The following ZBTB9 variants were observed in gnomAD, a reference collection of about 807,000 sequenced individuals.
ZBTB9 encodes zinc finger and BTB domain-containing protein 9.
In ZBTB9, 17 loss-of-function variants were observed where a neutral mutation model predicts 26.3. The ratio of observed to expected loss-of-function variants is 0.65; its 90% CI spans 0.44 to 0.97. The LOEUF (loss-of-function observed/expected upper bound fraction) is 0.97, where lower values mean the gene tolerates loss of function less well. Among genes scored for constraint, ZBTB9 ranks in the 50% least tolerant of loss-of-function variants. The pLI is 0.00. For missense variants in ZBTB9, 510 were observed against 594.2 expected (o/e 0.86, Z 1.47); for synonymous variants, 226 against 234.3 (o/e 0.96, Z 0.32).
Position 33,455,136 on chromosome 6 carries a change from C to T in ZBTB9, c.36C>T (p.Ala12=), listed in dbSNP as rs372363880. 29 of 1,612,004 alleles carry T rather than the reference C, an allele frequency of 1.8e-5. No individual in the cohort carries two copies. The highest frequency in any genetic ancestry group is 2.3e-5 in the Non-Finnish European group (27 of 1,178,710). ...ETPTPLPPVP[A]SPTCNPAPRT... ...CAACACCTTTGCCGCCTGTACCCGC[C>T]TCCCCGACCTGCAACCCAGCCCCAC... The change falls in exon 2 of 2, where the codon GCC becomes GCT. Residue 12 remains alanine, a synonymous_variant. Transcript: ENST00000395064.
upstream of ZBTB9, chr6:33,453,331 CT>C (rs1671073636): frequency 6.5e-6 from 1 of 152,974 alleles, no homozygotes; most frequent in Non-Finnish European, 1.5e-5. Context: ...GGCCCTACCC[CT>C]GGACCCTCCC....
rs192163582 is a variant in ZBTB9, at chr6:33,456,756, T to C, written c.*234T>C. 60 of 637,234 alleles carry C rather than the reference T, an allele frequency of 9.4e-5. 1 individual carries two copies. The Admixed American group carries it at 1.8e-3, about 20-fold the overall frequency. The allele number at this position is 637,234 out of a possible 1,614,324, so 39.5% of individuals were successfully genotyped here. ...GCCAACCCTGCAGGAAAGTGGTTTATAGGCCATTCATACTTAAGTTGATCA... is the reference window on the plus strand; with the variant it reads ...GCCAACCCTGCAGGAAAGTGGTTTACAGGCCATTCATACTTAAGTTGATCA... On this transcript the variant is annotated 3_prime_UTR_variant, in exon 2 of 2. Transcript: ENST00000395064. This position sits in a 1 kb window ranked among gnomAD's most constrained non-coding sequence, Gnocchi z 5.1.
chr6:33,455,198 C>A lies in ZBTB9; in HGVS notation c.98C>A (p.Ser33Tyr). 1 of 1,614,082 alleles carries A rather than the reference C, an allele frequency of 6.2e-7. No individual in the cohort carries two copies. Among genetic ancestry groups the A allele is most frequent in the Non-Finnish European group, 8.5e-7 (1 of 1,180,012 alleles). The change falls in exon 2 of 2, where the codon TCT (serine) becomes TAT (tyrosine). Residue 33 changes from serine to tyrosine, a missense_variant. Physicochemically the swap from Ser to Tyr is moderately radical, Grantham distance 144. Around this residue, in one of 2 missense-constraint regions of ZBTB9, gnomAD observed 439 missense variants for 460.4 expected, o/e 0.95. Transcript: ENST00000395064. The stretch of plus-strand genomic sequence containing the variant: ...ATCGAGTTCCCACAGCATAGCTCGT[C>A]TCTGCTGGAATCTCTGAACCGCCAC... ...IQIEFPQHSS[S>Y]LLESLNRHRL...
Position 33,456,715 on chromosome 6 carries a change from C to T in ZBTB9, c.*193C>T, listed in dbSNP as rs1187455437. ...GTGGAAACTCAAATTTCTCGTCCCA[C>T]TCCAGGTTTTGGCTAGCCAACCCTG... On this transcript the variant is annotated 3_prime_UTR_variant, in exon 2 of 2. Transcript: ENST00000395064. The surrounding 1 kb of genome is among the most constrained non-coding windows in gnomAD (Gnocchi z 5.1). 2 of 1,129,140 alleles carry T rather than the reference C, an allele frequency of 1.8e-6. No homozygotes were observed. The highest frequency in any genetic ancestry group is 1.6e-5 in the African/African-American group (1 of 63,246). The allele number at this position is 1,129,140 out of a possible 1,614,324, so 69.9% of individuals were successfully genotyped here. A position where few individuals can be genotyped will look rare whatever the true frequency, so the allele number is the denominator to read the frequency against.
Position 33,455,681 on chromosome 6 carries a change from G to T in ZBTB9, c.581G>T (p.Ser194Ile). Residue 194 changes from serine (S) to isoleucine (I), a missense_variant, in exon 2 of 2, where the codon AGC (serine) becomes ATC (isoleucine). This residue lies in a region of ZBTB9 where 439 missense variants were observed against 460.4 expected (regional missense o/e 0.95). Transcript: ENST00000395064. ...ACTGAAAGCCCTGCTTCCACTGAGA[G>T]CCCTGTGGGAGGGGAGGGAAGTGAA... ...ASTESPASTE[S>I]PVGGEGSELG... The T allele has an allele frequency of 6.2e-7, 1 of 1,614,228 alleles. No individual in the cohort carries two copies. Among genetic ancestry groups the T allele is most frequent in the Non-Finnish European group, 8.5e-7 (1 of 1,180,038 alleles).
In ZBTB9 at chr6:33,455,394, G is replaced by C; in HGVS notation, c.294G>C (p.Gly98=). 1 of 1,613,984 alleles carries C rather than the reference G, an allele frequency of 6.2e-7. No individual in the cohort carries two copies. The highest frequency in any genetic ancestry group is 8.5e-7 in the Non-Finnish European group (1 of 1,179,988). Residue 98 remains glycine, a synonymous_variant, in exon 2 of 2, where the codon GGG becomes GGC. Coordinates refer to ENST00000395064, the MANE Select transcript of ZBTB9 (RefSeq NM_152735.4). ...TCATTGAAGCCGATGCCTTCGAGGGGCTGCTCCAGCTCATTTATTCAGGGC... is the reference window on the plus strand; with the variant it reads ...TCATTGAAGCCGATGCCTTCGAGGGCCTGCTCCAGCTCATTTATTCAGGGC... ...PSVIEADAFE[G]LLQLIYSGRL...
rs972117373 is a variant in ZBTB9, at chr6:33,456,883, T to C, written c.*361T>C. ...AGTTAGAGCAAAAGACAGTGGTAAATGTTTTATTCCGTCTCCATGAGGAAT... is the reference window on the plus strand; with the variant it reads ...AGTTAGAGCAAAAGACAGTGGTAAACGTTTTATTCCGTCTCCATGAGGAAT... On this transcript the variant is annotated 3_prime_UTR_variant, in exon 2 of 2. Transcript: ENST00000395064. This position sits in a 1 kb window ranked among gnomAD's most constrained non-coding sequence, Gnocchi z 5.1. 7.0e-5 allele frequency: 17 copies of C among 244,134 alleles called. No homozygotes were observed. The highest frequency in any genetic ancestry group is 3.6e-4 in the Admixed American group (7 of 19,508). 15.1% of individuals were successfully genotyped at this position (244,134 alleles called of 1,614,324 possible).
At chr6:33,454,222 G>GGCCCACATGGTAAGT (rs1761426845), upstream of ZBTB9, 1 of 152,238 alleles carries the variant, frequency 6.6e-6, no homozygotes, top group Admixed American at 6.5e-5. Flanking sequence ...GCAAGTGCCA[G>GGCCCACATGGTAAGT]GCCCACATGG....
rs1582010928 is a variant in ZBTB9 at position 33,455,192 on chromosome 6, G to C, written c.92G>C (p.Ser31Thr). 1.9e-6 allele frequency: 3 copies of C among 1,613,978 alleles called. No homozygotes were observed. In the Admixed American group the frequency reaches 5.0e-5, roughly 27 times the overall value. The change falls in exon 2 of 2, where the codon AGC becomes ACC. Residue 31 changes from serine (S) to threonine (T), a missense_variant. Physicochemically the swap from Ser to Thr is moderately conservative, Grantham distance 58. Coordinates refer to ENST00000395064, the MANE Select transcript of ZBTB9 (RefSeq NM_152735.4). ...RTIQIEFPQH[S>T]SSLLESLNRH... ...ATCCAGATCGAGTTCCCACAGCATA[G>C]CTCGTCTCTGCTGGAATCTCTGAAC... is the stretch of plus-strand genomic sequence containing the variant.
In ZBTB9 at chr6:33,455,755, G is replaced by A. The variant is rs1475340148; in HGVS notation, c.655G>A (p.Glu219Lys). Residue 219 changes from glutamate (E) to lysine (K), a missense_variant, in exon 2 of 2, where the codon GAA (glutamate) becomes AAA (lysine). Transcript: ENST00000395064. ...IQVEEEEEEE[E>K]DDDDEDQGSA... ...GGTGGAAGAAGAAGAGGAGGAGGAG[G>A]AAGATGATGATGATGAGGACCAGGG... 1 of 1,613,676 alleles carries A rather than the reference G, an allele frequency of 6.2e-7. No individual in the cohort carries two copies. The highest frequency in any genetic ancestry group is 1.3e-5 in the African/African-American group (1 of 75,002).
chr6:33,456,681 C>A lies in ZBTB9; in HGVS notation c.*159C>A. On this transcript the variant is annotated 3_prime_UTR_variant, in exon 2 of 2. Coordinates refer to ENST00000395064, the MANE Select transcript of ZBTB9 (RefSeq NM_152735.4). The surrounding 1 kb of genome is among the most constrained non-coding windows in gnomAD (Gnocchi z 5.1). ...TGTTCTTAGATATGGGCCTCTCAGC[C>A]TGGCAGATGTGGAAACTCAAATTTC... 7.7e-7 allele frequency: 1 copy of A among 1,306,068 alleles called. No individual in the cohort carries two copies. The highest frequency in any genetic ancestry group is 1.0e-6 in the Non-Finnish European group (1 of 992,314). 80.9% of individuals were successfully genotyped at this position (1,306,068 alleles called of 1,614,324 possible).
In ZBTB9 at chr6:33,455,283, T is replaced by G. The variant is rs1396950121; in HGVS notation, c.183T>G (p.Ala61=). 6.2e-7 allele frequency: 1 copy of G among 1,614,202 alleles called. No individual in the cohort carries two copies. The highest frequency in any genetic ancestry group is 8.5e-7 in the Non-Finnish European group (1 of 1,180,038). Residue 61 remains alanine (A), a synonymous_variant, in exon 2 of 2, where the codon GCT becomes GCG. Coordinates refer to ENST00000395064, the MANE Select transcript of ZBTB9 (RefSeq NM_152735.4). The part of the protein sequence containing the change: ...SLLVQGRELR[A]HKAVLAAASP... The stretch of plus-strand genomic sequence containing the variant: ...TGGTGCAGGGCCGGGAACTTAGGGC[T>G]CATAAAGCAGTGTTAGCTGCTGCCT...
At position 33,456,299 on chromosome 6, in the gene ZBTB9, G is replaced by T. The variant is rs773887567; in HGVS notation, c.1199G>T (p.Arg400Leu). The T allele has an allele frequency of 6.2e-7, 1 of 1,613,442 alleles. No individual in the cohort carries two copies. The highest frequency in any genetic ancestry group is 8.5e-7 in the Non-Finnish European group (1 of 1,179,808). ...TTTGCAGTGAAGCCAAAGCGTGACC[G>T]GCACATCATGCTGACCTTCAGCCTT... ...KRFAVKPKRD[R>L]HIMLTFSLRP... Residue 400 changes from arginine (R) to leucine (L), a missense_variant, in exon 2 of 2, where the codon CGG becomes CTG. Around this residue, in one of 2 missense-constraint regions of ZBTB9, gnomAD observed 71 missense variants for 133.8 expected, o/e 0.53. Coordinates refer to ENST00000395064, the MANE Select transcript of ZBTB9 (RefSeq NM_152735.4). The surrounding 1 kb of genome is among the most constrained non-coding windows in gnomAD (Gnocchi z 5.1).
Position 33,455,346 on chromosome 6 carries a change from G to C in ZBTB9, c.246G>C (p.Ala82=), listed in dbSNP as rs1474796020. 6.2e-7 allele frequency: 1 copy of C among 1,614,124 alleles called. No homozygotes were observed. Among genetic ancestry groups the C allele is most frequent in the East Asian group, 2.2e-5 (1 of 44,886 alleles). Reference sequence around the variant, plus strand: ...ATGACAAGCTGCTTCTGGGGGATGCGCCTCGTCTCACTCTACCGAGTGTCA... The same window carrying C: ...ATGACAAGCTGCTTCTGGGGGATGCCCCTCGTCTCACTCTACCGAGTGTCA... The part of the protein sequence containing the change: ...YFHDKLLLGD[A]PRLTLPSVIE... Residue 82 remains alanine, a synonymous_variant, in exon 2 of 2, where the codon GCG becomes GCC. Transcript: ENST00000395064.
Position 33,456,291 on chromosome 6 carries a change from G to A in ZBTB9, c.1191G>A (p.Lys397=). The stretch of plus-strand genomic sequence containing the variant: ...GGAAGCGGTTTGCAGTGAAGCCAAA[G>A]CGTGACCGGCACATCATGCTGACCT... ...LCGKRFAVKP[K]RDRHIMLTFS... is the part of the protein sequence containing the mutation. Residue 397 remains lysine, a synonymous_variant, in exon 2 of 2, where the codon AAG becomes AAA. Coordinates refer to ENST00000395064, the MANE Select transcript of ZBTB9 (RefSeq NM_152735.4). The surrounding 1 kb of genome is among the most constrained non-coding windows in gnomAD (Gnocchi z 5.1). 6.2e-7 allele frequency: 1 copy of A among 1,613,592 alleles called. No homozygotes were observed. Among genetic ancestry groups the A allele is most frequent in the Non-Finnish European group, 8.5e-7 (1 of 1,179,814 alleles).
chr6:33,453,708 TAGGC>T (rs1761405641), upstream of ZBTB9: 1 of 152,086 alleles, frequency 6.6e-6, no homozygotes, highest in South Asian at 2.1e-4. Flanking sequence ...CCGACTTTCT[TAGGC>T]AGGGCTCTCC....
In ZBTB9 at chr6:33,456,304, A is replaced by G. The variant is rs1402386924; in HGVS notation, c.1204A>G (p.Ile402Val). The G allele has an allele frequency of 1.2e-6, 2 of 1,613,712 alleles. No homozygotes were observed. Among genetic ancestry groups the G allele is most frequent in the Non-Finnish European group, 1.7e-6 (2 of 1,179,928 alleles). ...FAVKPKRDRH[I>V]MLTFSLRPFG... ...AGTGAAGCCAAAGCGTGACCGGCACATCATGCTGACCTTCAGCCTTCGGCC... is the reference window on the plus strand; with the variant it reads ...AGTGAAGCCAAAGCGTGACCGGCACGTCATGCTGACCTTCAGCCTTCGGCC... The change falls in exon 2 of 2, where the codon ATC (isoleucine) becomes GTC (valine). Residue 402 changes from isoleucine to valine, a missense_variant. Physicochemically the swap from Ile to Val is conservative, Grantham distance 29 (BLOSUM62 3). Coordinates refer to ENST00000395064, the MANE Select transcript of ZBTB9 (RefSeq NM_152735.4). This position sits in a 1 kb window ranked among gnomAD's most constrained non-coding sequence, Gnocchi z 5.1.
At chr6:33,454,976 G>T in intron 1 of ZBTB9, 54 bp from the exon 2 acceptor site, 1 of 1,431,952 alleles carries the variant, frequency 7.0e-7, no homozygotes, top group Non-Finnish European at 9.3e-7. Context: ...TGTTTGAGAA[G>T]ATGTGGCTCC....
Position 33,454,791 on chromosome 6 carries a change from T to G in ZBTB9, c.-72+16T>G, listed in dbSNP as rs369230155. 1 of 431,034 alleles carries G rather than the reference T, an allele frequency of 2.3e-6. No individual in the cohort carries two copies. The highest frequency in any genetic ancestry group is 4.1e-6 in the Non-Finnish European group (1 of 243,092). 26.7% of individuals were successfully genotyped at this position (431,034 alleles called of 1,614,324 possible). ...TTCTGGGCAGGTGAAGGCAGGCTGG[T>G]GGCTGAAGGACCTCCTTCTTATCTT... On this transcript the variant is annotated intron_variant, in intron 1 of 1. Transcript: ENST00000395064.
Sources: allele counts gnomAD v4.1 joint callset, GRCh38; gene constraint gnomAD v4.1.1; regional missense constraint gnomAD v4.1.1; non-coding constraint Gnocchi (gnomAD v3.1); transcripts MANE v1.5; gene names NCBI Gene and HGNC (gene_info 2026-07-23, HGNC 2026-07-21).